The following PPP1R26 variants were observed in gnomAD, a reference collection of about 807,000 sequenced individuals.
The protein encoded by PPP1R26 is protein phosphatase 1 regulatory subunit 26.
A neutral mutation model predicts 67.6 loss-of-function variants in PPP1R26; 22 were observed. The observed-to-expected ratio is 0.33, with a 90% confidence interval of 0.23 to 0.46. PPP1R26 has a LOEUF of 0.46. Among genes scored for constraint, PPP1R26 ranks in the 20% least tolerant of loss-of-function variants. The pLI is 1.00. For synonymous variants in PPP1R26, 729 were observed against 717.2 expected, an observed-to-expected ratio of 1.02 and a Z score of -0.26; for missense variants, 1,602 against 1,651.4, an observed-to-expected ratio of 0.97 and a Z score of 0.52.
At chr9:135,481,662 A>T (rs1172001441) in intron 1 of PPP1R26, among the ~76,000 whole-genome samples, 1 of 151,228 alleles carries the variant, frequency 6.6e-6, no homozygotes, top group African/African-American at 2.4e-5. Context: ...TCTGTCTCCT[A>T]GGCTGGAGTG....
chr9:135,487,882 C>G lies in PPP1R26; in HGVS notation c.3372C>G (p.Ala1124=). 1.3e-6 allele frequency: 2 copies of G among 1,578,780 alleles called. No homozygotes were observed. The highest frequency in any genetic ancestry group is 1.7e-6 in the Non-Finnish European group (2 of 1,164,704). ...PSFSAFREAQ[A]GPSPVFGSPH... The stretch of plus-strand genomic sequence containing the variant: ...TCTCGGCCTTCAGGGAGGCCCAGGC[C>G]GGACCCAGCCCTGTCTTTGGAAGCC... Residue 1124 remains alanine (A), a synonymous_variant, in exon 4 of 4, where the codon GCC becomes GCG. Transcript: ENST00000356818.
upstream of PPP1R26, chr9:135,479,622 T>G (rs1392406903): frequency 7.2e-6 from 1 of 138,944 alleles, no homozygotes; most frequent in African/African-American, 2.6e-5. The surrounding 1 kb of genome is among the most constrained non-coding windows in gnomAD (Gnocchi z 5.9). Flanking sequence ...CGGGCGGGGG[T>G]CCGGCCGGGC....
In PPP1R26 at chr9:135,486,855, A is replaced by C; in HGVS notation, c.2345A>C (p.Gln782Pro). The C allele has an allele frequency of 6.2e-7, 1 of 1,611,646 alleles. No individual in the cohort carries two copies. Among genetic ancestry groups the C allele is most frequent in the Non-Finnish European group, 8.5e-7 (1 of 1,179,516 alleles). Residue 782 changes from glutamine to proline, a missense_variant, in exon 4 of 4, where the codon CAG becomes CCG. Physicochemically the swap from Gln to Pro is moderately conservative, Grantham distance 76. Transcript: ENST00000356818. The surrounding 1 kb of genome is among the most constrained non-coding windows in gnomAD (Gnocchi z 6.2). ...GGCAGCACGGCAGAGAGGATGAGGCAGGAGGGTGCCGCGAGCCAGGACGCG... is the reference window on the plus strand; with the variant it reads ...GGCAGCACGGCAGAGAGGATGAGGCCGGAGGGTGCCGCGAGCCAGGACGCG... ...VFGSTAERMR[Q>P]EGAASQDAAL...
rs534619260 is a variant in PPP1R26, at chr9:135,485,064, T to C, written c.554T>C (p.Leu185Pro). ...GCTCACGGCAGTGCCCCGACTGCCCTGTGTCCCCCAAAACTTGTACCTGGA... is the reference window on the plus strand; with the variant it reads ...GCTCACGGCAGTGCCCCGACTGCCCCGTGTCCCCCAAAACTTGTACCTGGA... ...EPAHGSAPTA[L>P]CPPKLVPGSG... Residue 185 changes from leucine to proline, a missense_variant, in exon 4 of 4, where the codon CTG (leucine) becomes CCG (proline). By Grantham distance (98) the Leu-to-Pro change is moderately conservative. Coordinates refer to ENST00000356818, the MANE Select transcript of PPP1R26 (RefSeq NM_014811.5). This position sits in a 1 kb window ranked among gnomAD's most constrained non-coding sequence, Gnocchi z 7.2. The C allele has an allele frequency of 5.0e-6, 8 of 1,608,742 alleles. No homozygotes were observed. The East Asian group carries it at 1.6e-4, about 31-fold the overall frequency.
rs1830848312 is a variant in PPP1R26 at position 135,488,429 on chromosome 9, T to G, written c.*289T>G. On this transcript the variant is annotated 3_prime_UTR_variant, in exon 4 of 4. Coordinates refer to ENST00000356818, the MANE Select transcript of PPP1R26 (RefSeq NM_014811.5). ...TAACTGCAGTTTTCTGTGTTCTGCA[T>G]ACAAGTCTTAGCTTAGGAAACATTT... is the stretch of plus-strand genomic sequence containing the variant. The G allele has an allele frequency of 3.4e-6, 1 of 297,674 alleles. No individual in the cohort carries two copies. The allele number at this position is 297,674 out of a possible 1,614,324, so 18.4% of individuals were successfully genotyped here.
chr9:135,485,506 G>T lies in PPP1R26; in HGVS notation c.996G>T (p.Gln332His), dbSNP rs755532693. The stretch of plus-strand genomic sequence containing the variant: ...CCTGCCGCCCTTCAGAAGCAGCACA[G>T]AATAAAGGTGGGATCAAAAGGAGCG... ...ATPCRPSEAA[Q>H]NKGGIKRSAS... The change falls in exon 4 of 4, where the codon CAG (glutamine) becomes CAT (histidine). Residue 332 changes from glutamine to histidine, a missense_variant. Gln to His is a conservative substitution (Grantham distance 24). Transcript: ENST00000356818. The surrounding 1 kb of genome is among the most constrained non-coding windows in gnomAD (Gnocchi z 7.2). 5.6e-6 allele frequency: 9 copies of T among 1,613,056 alleles called. No individual in the cohort carries two copies. The East Asian group carries it at 2.0e-4, about 36-fold the overall frequency.
chr9:135,486,770 C>A lies in PPP1R26; in HGVS notation c.2260C>A (p.Leu754Ile). The A allele has an allele frequency of 6.3e-7, 1 of 1,584,532 alleles. No homozygotes were observed. ...DRGPPVLKSC[L>I]SKSKRDSGEG... ...GGGCCCGCCAGTGCTGAAGAGCTGC[C>A]TCTCCAAGTCCAAGAGAGACAGTGG... The change falls in exon 4 of 4, where the codon CTC (leucine) becomes ATC (isoleucine). Residue 754 changes from leucine (L) to isoleucine (I), a missense_variant. Physicochemically the swap from Leu to Ile is conservative, Grantham distance 5. This residue lies in a region of PPP1R26 where 740 missense variants were observed against 696.3 expected (regional missense o/e 1.06). Coordinates refer to ENST00000356818, the MANE Select transcript of PPP1R26 (RefSeq NM_014811.5). The surrounding 1 kb of genome is among the most constrained non-coding windows in gnomAD (Gnocchi z 6.2).
chr9:135,482,751 T>C lies in PPP1R26; in HGVS notation c.-260T>C, dbSNP rs1376603733. 7.5e-6 allele frequency: 3 copies of C among 398,502 alleles called. No individual in the cohort carries two copies. Among genetic ancestry groups the C allele is most frequent in the Admixed American group, 4.4e-5 (1 of 22,704 alleles). 24.7% of individuals were successfully genotyped at this position (398,502 alleles called of 1,614,324 possible). ...TAAGTGGAGTGATGAGGACCTGATC[T>C]CTGGGCCGTGTGGGAACACTGGCTG... is the stretch of plus-strand genomic sequence containing the variant. On this transcript the variant is annotated 5_prime_UTR_variant, in exon 2 of 4. Coordinates refer to ENST00000356818, the MANE Select transcript of PPP1R26 (RefSeq NM_014811.5).
At chr9:135,481,070 T>C (rs1317400964) in intron 1 of PPP1R26, among the ~76,000 whole-genome samples, 1 of 151,992 alleles carries the variant, frequency 6.6e-6, no homozygotes, top group East Asian at 1.9e-4. Context: ...ACCCGAGTGT[T>C]CTCCACCGCT....
In PPP1R26 at chr9:135,485,024, T is replaced by C; in HGVS notation, c.514T>C (p.Cys172Arg). The change falls in exon 4 of 4, where the codon TGT becomes CGT. Residue 172 changes from cysteine to arginine, a missense_variant. Transcript: ENST00000356818. This position sits in a 1 kb window ranked among gnomAD's most constrained non-coding sequence, Gnocchi z 7.2. ...CAGGGCCGCAGGCGGAGGCAGTAGA[T>C]GTAAGCCGGAACCGGCTCACGGCAG... ...PSRAAGGGSR[C>R]KPEPAHGSAP... 2 of 1,593,294 alleles carry C rather than the reference T, an allele frequency of 1.3e-6. No homozygotes were observed. Among genetic ancestry groups the C allele is most frequent in the Non-Finnish European group, 1.7e-6 (2 of 1,170,800 alleles).
intron 3 of PPP1R26, 140 bp downstream of exon 3, chr9:135,484,222 C>T (rs1011522949): frequency 1.2e-5 from 6 of 484,432 alleles, no homozygotes; most frequent in Non-Finnish European, 1.8e-5. Context: ...ATCTTCCCAG[C>T]AGCCCCGGGC....
intron 1 of PPP1R26, among the ~76,000 whole-genome samples, chr9:135,481,248 T>G (rs536175866): frequency 2.7e-4 from 40 of 150,726 alleles, no homozygotes; most frequent in Admixed American, 1.2e-3. Flanking sequence ...TTTTTTTTTT[T>G]TTTTTTTTTT....
In PPP1R26 at chr9:135,486,925, C is replaced by T. The variant is rs61736978; in HGVS notation, c.2415C>T (p.Ser805=). Reference sequence around the variant, plus strand: ...GGAGACCCGCCTCCGCCTCTGCCTCCGAAGGGAATCCATTCCCCAGGGAGT... The same window carrying T: ...GGAGACCCGCCTCCGCCTCTGCCTCTGAAGGGAATCCATTCCCCAGGGAGT... ...RVRRPASASA[S]EGNPFPRESQ... Residue 805 remains serine, a synonymous_variant, in exon 4 of 4, where the codon TCC becomes TCT. Transcript: ENST00000356818. The surrounding 1 kb of genome is among the most constrained non-coding windows in gnomAD (Gnocchi z 6.2). 29 of 1,612,840 alleles carry T rather than the reference C, an allele frequency of 1.8e-5. No individual in the cohort carries two copies. In the African/African-American group the frequency reaches 2.1e-4, roughly 12 times the overall value.
rs377344013 is a variant in PPP1R26 at position 135,486,019 on chromosome 9, C to A, written c.1509C>A (p.Asp503Glu). 1 of 1,613,178 alleles carries A rather than the reference C, an allele frequency of 6.2e-7. No individual in the cohort carries two copies. The highest frequency in any genetic ancestry group is 8.5e-7 in the Non-Finnish European group (1 of 1,180,030). Residue 503 changes from aspartate (D) to glutamate (E), a missense_variant, in exon 4 of 4, where the codon GAC becomes GAA. Asp to Glu is a conservative substitution (Grantham distance 45). Transcript: ENST00000356818. The surrounding 1 kb of genome is among the most constrained non-coding windows in gnomAD (Gnocchi z 6.2). ...TILPAPVEGSDGSLSASPLFY... is the reference protein window; with the variant it reads ...TILPAPVEGSEGSLSASPLFY... ...TGCCGGCCCCTGTAGAGGGCAGTGA[C>A]GGGTCCCTGTCCGCAAGCCCACTCT...
rs1830447736 is a variant in PPP1R26 at position 135,479,881 on chromosome 9, C to A, written c.-470C>A. 3 of 143,956 alleles carry A rather than the reference C, an allele frequency of 2.1e-5. No homozygotes were observed. 8.9% of individuals were successfully genotyped at this position (143,956 alleles called of 1,614,324 possible). ...CGGGGGGCCCGGCCGGACGCCCCTG[C>A]GCCCCCTCCCCGCGCCCCGGCCGAG... On this transcript the variant is annotated 5_prime_UTR_variant, in exon 1 of 4. Coordinates refer to ENST00000356818, the MANE Select transcript of PPP1R26 (RefSeq NM_014811.5). The surrounding 1 kb of genome is among the most constrained non-coding windows in gnomAD (Gnocchi z 5.9).
chr9:135,487,795 G>A lies in PPP1R26; in HGVS notation c.3285G>A (p.Trp1095Ter), dbSNP rs199630582. The change falls in exon 4 of 4, where the codon TGG becomes TGA. Residue 1095 changes from tryptophan to a stop codon, truncating the protein, a stop_gained. Coordinates refer to ENST00000356818, the MANE Select transcript of PPP1R26 (RefSeq NM_014811.5). LOFTEE classifies it high-confidence loss of function. ...TCCACTTTGGAAAGGGTGTCTCCTG[G>A]GGGGGCAGGCAGGCTGGCCTCTTCA... ...QLFHFGKGVS[W>*]GGRQAGLFSP... 3.2e-6 allele frequency: 5 copies of A among 1,573,392 alleles called. No homozygotes were observed. The highest frequency in any genetic ancestry group is 1.9e-5 in the Admixed American group (1 of 52,124).
rs1399172372 is a variant in PPP1R26, at chr9:135,487,906, C to T, written c.3396C>T (p.Ser1132=). The change falls in exon 4 of 4, where the codon AGC becomes AGT. Residue 1132 remains serine (S), a synonymous_variant. Transcript: ENST00000356818. ...AQAGPSPVFG[S]PHLLAKKDGG... ...CCGGACCCAGCCCTGTCTTTGGAAG[C>T]CCACACTTGCTGGCAAAGAAGGACG... 6.3e-7 allele frequency: 1 copy of T among 1,574,810 alleles called. No individual in the cohort carries two copies. The highest frequency in any genetic ancestry group is 8.6e-7 in the Non-Finnish European group (1 of 1,161,634).
At position 135,485,971 on chromosome 9, in the gene PPP1R26, C is replaced by A; in HGVS notation, c.1461C>A (p.Ile487=). ...CTGAGCTGATGTGTGCAGAAGCAAT[C>A]CTGGACATCTCCAAGACGATCCTGC... ...TSAELMCAEA[I]LDISKTILPA... Residue 487 remains isoleucine, a synonymous_variant, in exon 4 of 4, where the codon ATC becomes ATA. Transcript: ENST00000356818. The surrounding 1 kb of genome is among the most constrained non-coding windows in gnomAD (Gnocchi z 7.2). 7 of 1,613,306 alleles carry A rather than the reference C, an allele frequency of 4.3e-6. No homozygotes were observed. The highest frequency in any genetic ancestry group is 5.9e-6 in the Non-Finnish European group (7 of 1,180,040).
Position 135,488,125 on chromosome 9 carries a change from A to G in PPP1R26, c.3615A>G (p.Ser1205=). 2 of 1,523,388 alleles carry G rather than the reference A, an allele frequency of 1.3e-6. No homozygotes were observed. Among genetic ancestry groups the G allele is most frequent in the Non-Finnish European group, 1.8e-6 (2 of 1,136,542 alleles). The allele number at this position is 1,523,388 out of a possible 1,614,324, so 94.4% of individuals were successfully genotyped here. ...DTSTEDSGGS[S]VVKV ...CCACGGAGGACAGTGGCGGCAGCTC[A>G]GTAGTGAAGGTCTAAGCCCTCGAGC... The change falls in exon 4 of 4, where the codon TCA becomes TCG. Residue 1205 remains serine (S), a synonymous_variant. Transcript: ENST00000356818.
Sources: allele counts gnomAD v4.1 joint callset (sites outside exome capture counted in the v4.1 genomes callset), GRCh38; gene constraint gnomAD v4.1.1; regional missense constraint gnomAD v4.1.1; non-coding constraint Gnocchi (gnomAD v3.1); transcripts MANE v1.5; gene names NCBI Gene and HGNC (gene_info 2026-07-23, HGNC 2026-07-21).